Variants in ITIH6 observed in about 807,000 individuals in gnomAD.
ITIH6 encodes the protein inter-alpha-trypsin inhibitor heavy chain family member 6.
In ITIH6, 60 loss-of-function variants were observed where a neutral mutation model predicts 58.2. That is an observed-to-expected ratio of 1.03 (90% CI 0.84 to 1.28). The LOEUF is 1.28. ITIH6 is among the 50% of genes most tolerant of loss of function. ITIH6 has a pLI of 0.00. For missense variants in ITIH6, 1,290 were observed against 1,021.1 expected (o/e 1.26, Z -3.59); for synonymous variants, 493 against 417.4 (o/e 1.18, Z -2.21).
chrX:54,771,248 G>T (rs747803815), intron 6 of ITIH6, among the ~76,000 whole-genome samples: 2 of 112,003 alleles, frequency 1.8e-5, no homozygotes, highest in Admixed American at 9.5e-5. Context: ...TGGAAAATTT[G>T]TATCTATTAT....
At chrX:54,751,414 G>A (rs1460116653) in intron 11 of ITIH6, 34 bp from the exon 12 acceptor site, 2 of 1,193,374 alleles carry the variant, frequency 1.7e-6, no homozygotes, top group Non-Finnish European at 2.3e-6. Context: ...TGGAGCGGGG[G>A]CTTTTGCATG....
chrX:54,775,433 T>G (rs1311925715), intron 5 of ITIH6, among the ~76,000 whole-genome samples: 2 of 110,357 alleles, frequency 1.8e-5, no homozygotes, highest in Non-Finnish European at 3.8e-5. Context: ...CAGGGACACT[T>G]TGATTGCCCA....
chrX:54,767,410 A>T (rs1370937066), intron 6 of ITIH6, among the ~76,000 whole-genome samples: 1 of 103,999 alleles, frequency 9.6e-6, no homozygotes, highest in African/African-American at 3.8e-5. Context: ...CTCTGATTTT[A>T]GTTATTTCTT....
At chrX:54,768,972 G>C (rs1437958294) in intron 6 of ITIH6, among the ~76,000 whole-genome samples, 2 of 109,328 alleles carry the variant, frequency 1.8e-5, no homozygotes, top group East Asian at 5.7e-4. Context: ...CCTGCAGAGT[G>C]TTTTCCAACT....
At chrX:54,769,942 G>T (rs749146670) in intron 6 of ITIH6, among the ~76,000 whole-genome samples, 1,128 of 107,867 alleles carry the variant, frequency 0.01, 9 homozygotes, top group Non-Finnish European at 0.016. Context: ...GTTTACCTAA[G>T]CAAGCCTGGG....
At chrX:54,759,023 C>G in intron 7 of ITIH6, 25 bp from the exon 8 acceptor site, 1 of 1,067,437 alleles carries the variant, frequency 9.4e-7, no homozygotes, top group Non-Finnish European at 1.2e-6. Context: ...GATTGTGAGA[C>G]CATCTTCTCT....
At chrX:54,796,514 C>T (rs1188795845) in intron 2 of ITIH6, among the ~76,000 whole-genome samples, 2 of 109,271 alleles carry the variant, frequency 1.8e-5, no homozygotes, top group East Asian at 2.9e-4. Flanking sequence ...GAAACCCCGT[C>T]TCTACTAAAA....
intron 7 of ITIH6, among the ~76,000 whole-genome samples, chrX:54,759,325 T>G (rs2147603124): frequency 9.0e-6 from 1 of 111,564 alleles, no homozygotes; most frequent in South Asian, 3.8e-4. Flanking sequence ...CCTCCAACCT[T>G]CTTGCTACAG....
chrX:54,760,515 G>A (rs1748642589), intron 6 of ITIH6, among the ~76,000 whole-genome samples: 1 of 111,330 alleles, frequency 9.0e-6, no homozygotes, highest in African/African-American at 3.3e-5. Context: ...ATGTATACAT[G>A]TGCCATGTTG....
chrX:54,758,927 C>A lies in ITIH6; in HGVS notation c.1147G>T (p.Gly383Cys). ...LNHSNQEPGR[G>C]PSVGRIPLII... ...AGAGGGATCCTCCCCACACTGGGGC[C>A]CCTCCCAGGCTCCTGGTTGCTATGG... Residue 383 changes from glycine (G) to cysteine (C), a missense_variant, in exon 8 of 13, where the codon GGC (glycine) becomes TGC (cysteine). Coordinates refer to ENST00000218436, the MANE Select transcript of ITIH6 (RefSeq NM_198510.3). The A allele has an allele frequency of 8.3e-7, 1 of 1,204,939 alleles. No individual in the cohort carries two copies. Among genetic ancestry groups the A allele is most frequent in the Non-Finnish European group, 1.1e-6 (1 of 891,967 alleles).
chrX:54,781,504 A>G (rs142726039), intron 5 of ITIH6, among the ~76,000 whole-genome samples: 2 of 112,640 alleles, frequency 1.8e-5, no homozygotes, highest in East Asian at 5.6e-4. Flanking sequence ...TGATCATTAG[A>G]GAAACACAAA....
intron 6 of ITIH6, among the ~76,000 whole-genome samples, chrX:54,771,730 G>A (rs754485608): frequency 3.6e-4 from 40 of 110,984 alleles, no homozygotes; most frequent in African/African-American, 1.1e-3. Context: ...ACAAGCATAC[G>A]AAAAAAATGC....
At chrX:54,793,129 C>CT (rs998272594) in intron 2 of ITIH6, among the ~76,000 whole-genome samples, 26 of 110,128 alleles carry the variant, frequency 2.4e-4, no homozygotes, top group African/African-American at 5.9e-4. Flanking sequence ...CATCCAATTT[C>CT]TTTTTTTTTA....
In ITIH6 at chrX:54,755,023, C is replaced by T. The variant is rs1220608458; in HGVS notation, c.3196G>A (p.Ala1066Thr). The T allele has an allele frequency of 5.8e-6, 7 of 1,204,999 alleles. No individual in the cohort carries two copies. The highest frequency in any genetic ancestry group is 7.9e-6 in the Non-Finnish European group (7 of 890,684). ...AGGAGAGCTCCTTGCTCACCTTTTG[C>T]TAACCCCACAGAACTTCCTTGAGAT... ...MESQGSSVGL[A>T]KGTLPSIFTF... Residue 1066 changes from alanine to threonine, a missense_variant, in exon 9 of 13, where the codon GCA becomes ACA. Transcript: ENST00000218436.
rs753008866 is a variant in ITIH6 at position 54,751,195 on chromosome X, C to A, written c.3538G>T (p.Ala1180Ser). 30 of 1,211,720 alleles carry A rather than the reference C, an allele frequency of 2.5e-5. No homozygotes were observed. The highest frequency in any genetic ancestry group is 3.1e-5 in the Non-Finnish European group (28 of 895,329). ...GTLRLSWDQP[A>S]LLKRPQLELY... ...TCCAGCTGGGGCCTCTTCAGCAGGGCAGGTTGGTCCCAGGACAGGCGCAAG... is the reference window on the plus strand; with the variant it reads ...TCCAGCTGGGGCCTCTTCAGCAGGGAAGGTTGGTCCCAGGACAGGCGCAAG... The change falls in exon 12 of 13, where the codon GCC becomes TCC. Residue 1180 changes from alanine to serine, a missense_variant. Transcript: ENST00000218436.
At chrX:54,795,332 T>G (rs147517926) in intron 2 of ITIH6, among the ~76,000 whole-genome samples, 2,166 of 112,678 alleles carry the variant, frequency 0.019, 26 homozygotes, top group Middle Eastern at 0.032. Flanking sequence ...AATATTTATA[T>G]GCTTCATAAT....
At chrX:54,759,025 A>G in intron 7 of ITIH6, 27 bp from the exon 8 acceptor site, 1 of 1,060,771 alleles carries the variant, frequency 9.4e-7, no homozygotes, top group Non-Finnish European at 1.3e-6. Flanking sequence ...TTGTGAGACC[A>G]TCTTCTCTGG....
Position 54,796,941 on chromosome X carries a change from C to T in ITIH6, c.257+1G>A. ...AGTGGTGACTTTGGAAGCAGACTTA[C>T]ATAGTGAAATTGGAGATAAAGGCAA... is the stretch of plus-strand genomic sequence containing the variant. On this transcript the variant is annotated splice_donor_variant, in intron 2 of 12. Transcript: ENST00000218436. LOFTEE classifies it high-confidence loss of function. The T allele has an allele frequency of 8.3e-7, 1 of 1,209,306 alleles. No individual in the cohort carries two copies. The highest frequency in any genetic ancestry group is 1.1e-6 in the Non-Finnish European group (1 of 893,917).
At position 54,751,394 on chromosome X, in the gene ITIH6, A is replaced by C. The variant is rs750641261; in HGVS notation, c.3353-14T>G. ...TCACATGCAGCCCTGGAGGGAGGGG[A>C]GTGTGGGCCTGGAGCGGGGGCTTTT... On this transcript the variant is annotated splice_polypyrimidine_tract_variant and intron_variant, in intron 11 of 12. Transcript: ENST00000218436. The C allele has an allele frequency of 8.3e-7, 1 of 1,204,497 alleles. No homozygotes were observed. The highest frequency in any genetic ancestry group is 1.1e-6 in the Non-Finnish European group (1 of 891,590).
Sources: allele counts gnomAD v4.1 joint callset (sites outside exome capture counted in the v4.1 genomes callset), GRCh38; gene constraint gnomAD v4.1.1; transcripts MANE v1.5; gene names NCBI Gene and HGNC (gene_info 2026-07-23, HGNC 2026-07-21).